RSRC1: variants seen among roughly 807,000 people sequenced by gnomAD.
RSRC1 encodes arginine and serine rich coiled-coil 1.
RSRC1 carries 39 observed loss-of-function variants against 49.1 expected under a neutral mutation model. The observed-to-expected ratio is 0.79, with a 90% CI of 0.61 to 1.04. The LOEUF is 1.04. RSRC1 is among the 50% of genes least tolerant of loss of function. The probability of loss-of-function intolerance (pLI) is 0.00; values close to 1 mark genes in which losing one functional copy is unlikely to be tolerated. For synonymous variants in RSRC1, 143 were observed against 130.8 expected (o/e 1.09, Z -0.63); for missense variants, 388 against 402.4 (o/e 0.96, Z 0.31).
chr3:158,310,561 CTG>C (rs1424435376), intron 5 of RSRC1, among the ~76,000 whole-genome samples: 10 of 151,854 alleles, frequency 6.6e-5, no homozygotes, highest in Non-Finnish European at 1.5e-4. Flanking sequence ...CAAGTACTAA[CTG>C]TAAATAACAA....
chr3:158,110,852 C>T (rs935971658), intron 1 of RSRC1, among the ~76,000 whole-genome samples: 1 of 152,206 alleles, frequency 6.6e-6, no homozygotes, highest in African/African-American at 2.4e-5. Flanking sequence ...GCATATGGCT[C>T]TGTTTACTTT....
intron 7 of RSRC1, among the ~76,000 whole-genome samples, chr3:158,510,491 C>T (rs1740096745): frequency 6.6e-6 from 1 of 151,886 alleles, no homozygotes; most frequent in Non-Finnish European, 1.5e-5. Context: ...AACTCTTAAT[C>T]CACCTGGAAT....
chr3:158,501,830 C>T (rs138610825), intron 7 of RSRC1, among the ~76,000 whole-genome samples: 3,457 of 152,168 alleles, frequency 0.023, 116 homozygotes, highest in African/African-American at 0.08. Flanking sequence ...CTAAGTGGAG[C>T]ATTTAGGCCA....
chr3:158,423,661 C>T (rs576986574), intron 6 of RSRC1, among the ~76,000 whole-genome samples: 31 of 152,152 alleles, frequency 2.0e-4, no homozygotes, highest in African/African-American at 6.7e-4. Flanking sequence ...TGTAAATTAC[C>T]TTGGGCAGTA....
intron 6 of RSRC1, among the ~76,000 whole-genome samples, chr3:158,370,031 A>G (rs1327524405): frequency 6.6e-6 from 1 of 151,910 alleles, no homozygotes; most frequent in Non-Finnish European, 1.5e-5. Context: ...TTGTGATATA[A>G]TTTAGAATTT....
At position 158,539,812 on chromosome 3, in the gene RSRC1, C is replaced by G. The variant is rs192355420; in HGVS notation, c.759+2614C>G. ...ATCTAACCTCTGAGAGCTTCACCTT[C>G]TATTATGTGTAAGTACTTCTCAAAG... On this transcript the variant is annotated intron_variant, in intron 8 of 9. Transcript: ENST00000611884. This position sits in a 1 kb window ranked among gnomAD's most constrained non-coding sequence, Gnocchi z 4.1. Among the ~76,000 whole-genome samples the G allele has an allele frequency of 6.6e-6, 1 of 152,234 alleles. No homozygotes were observed. Among genetic ancestry groups the G allele is most frequent in the Admixed American group, 6.5e-5 (1 of 15,278 alleles).
At chr3:158,483,143 C>T (rs1440817623) in intron 7 of RSRC1, among the ~76,000 whole-genome samples, 3 of 151,980 alleles carry the variant, frequency 2.0e-5, no homozygotes, top group African/African-American at 7.2e-5. Context: ...AGAAAAAGCT[C>T]ATCCTCCTTC....
intron 6 of RSRC1, among the ~76,000 whole-genome samples, chr3:158,398,012 G>A (rs2108303462): frequency 6.6e-6 from 1 of 152,198 alleles, no homozygotes; most frequent in South Asian, 2.1e-4. Context: ...CTGCGACTGG[G>A]TGACCCTTGG....
intron 7 of RSRC1, among the ~76,000 whole-genome samples, chr3:158,536,097 A>G (rs374871165): frequency 1.3e-5 from 2 of 151,386 alleles, no homozygotes; most frequent in African/African-American, 4.8e-5. Context: ...CCTTGTCCCC[A>G]ATGATCAATC....
chr3:158,237,899 C>A (rs1262213116), intron 4 of RSRC1, among the ~76,000 whole-genome samples: 1 of 152,126 alleles, frequency 6.6e-6, no homozygotes, highest in Non-Finnish European at 1.5e-5. Context: ...TCAAAGGCTT[C>A]CAGTTTTTGC....
intron 5 of RSRC1, among the ~76,000 whole-genome samples, chr3:158,344,238 G>A (rs2176893): frequency 0.43 from 65,227 of 151,926 alleles, 14,868 homozygotes; most frequent in South Asian, 0.6. Flanking sequence ...CAGCCTAGCC[G>A]ACAGAGCAAG....
At chr3:158,152,645 C>A (rs1437382926) in intron 3 of RSRC1, among the ~76,000 whole-genome samples, 2 of 152,132 alleles carry the variant, frequency 1.3e-5, no homozygotes, top group African/African-American at 4.8e-5. Flanking sequence ...TTTGATTACT[C>A]AATGTTTCCA....
chr3:158,495,835 T>C lies in RSRC1; in HGVS notation c.652+34832T>C, dbSNP rs143156961. Among the ~76,000 whole-genome samples, 461 of 152,358 alleles carry C rather than the reference T, an allele frequency of 3.0e-3. 2 individuals carry two copies. Among genetic ancestry groups the C allele is most frequent in the African/African-American group, 0.011 (450 of 41,576 alleles). On this transcript the variant is annotated intron_variant, in intron 7 of 9. Coordinates refer to ENST00000611884, the MANE Select transcript of RSRC1 (RefSeq NM_001271838.2). ...GTGCTGCAACAGCAGAATTGAATAG[T>C]TGTGACAGAGACTTATGGCCTACAA...
intron 3 of RSRC1, among the ~76,000 whole-genome samples, chr3:158,178,289 C>T (rs1719365580): frequency 6.6e-6 from 1 of 152,044 alleles, no homozygotes; most frequent in East Asian, 1.9e-4. Flanking sequence ...CAGGTGCATG[C>T]CACCACGCCC....
rs753357330 is a variant in RSRC1 at position 158,208,646 on chromosome 3, C to G, written c.494+5401C>G. ...TTGGCCTTCCAAAGCACTAGGATTA[C>G]AGGAGTGAGCCACTGTGCCAGGCCC... is the stretch of plus-strand genomic sequence containing the variant. On this transcript the variant is annotated intron_variant, in intron 4 of 9. Transcript: ENST00000611884. 4.4e-4 allele frequency among the ~76,000 whole-genome samples: 67 copies of G among 152,178 alleles called. 1 individual carries two copies. Among genetic ancestry groups the G allele is most frequent in the Non-Finnish European group, 8.2e-4 (56 of 68,040 alleles).
intron 6 of RSRC1, among the ~76,000 whole-genome samples, chr3:158,455,228 A>T (rs185270648): frequency 2.0e-4 from 30 of 152,214 alleles, no homozygotes; most frequent in African/African-American, 6.5e-4. Context: ...GAATTTCTCA[A>T]CATTTGCAGT....
At chr3:158,276,743 T>G (rs1725840307) in intron 4 of RSRC1, among the ~76,000 whole-genome samples, 1 of 152,214 alleles carries the variant, frequency 6.6e-6, no homozygotes. Flanking sequence ...TTCTCAACTT[T>G]TAGATTTAGC....
At chr3:158,362,082 T>TA (rs1731505005) in intron 6 of RSRC1, among the ~76,000 whole-genome samples, 1 of 152,182 alleles carries the variant, frequency 6.6e-6, no homozygotes. Flanking sequence ...CTCACTCCTA[T>TA]AATCCCAGCA....
At chr3:158,312,369 A>G (rs1438568004) in intron 5 of RSRC1, among the ~76,000 whole-genome samples, 1 of 152,110 alleles carries the variant, frequency 6.6e-6, no homozygotes, top group Non-Finnish European at 1.5e-5. Context: ...TCTTCAACAA[A>G]TATTTGTTGA....
Sources: allele counts gnomAD v4.1 joint callset (sites outside exome capture counted in the v4.1 genomes callset), GRCh38; gene constraint gnomAD v4.1.1; non-coding constraint Gnocchi (gnomAD v3.1); transcripts MANE v1.5; gene names NCBI Gene and HGNC (gene_info 2026-07-23, HGNC 2026-07-21).